CTNNA2: variants seen among roughly 807,000 people sequenced by gnomAD.
The protein encoded by CTNNA2 is catenin alpha 2.
Under a neutral mutation model 101.0 loss-of-function variants are expected in CTNNA2, and 42 were observed. That is an observed-to-expected ratio of 0.42 (90% confidence interval 0.32 to 0.54). CTNNA2 has a LOEUF of 0.54. Among genes scored for constraint, CTNNA2 ranks in the 20% least tolerant of loss-of-function variants. The probability of loss-of-function intolerance (pLI) is 0.14; values close to 1 mark genes in which losing one functional copy is unlikely to be tolerated. For missense variants in CTNNA2, 871 were observed against 1,223.1 expected, an observed-to-expected ratio of 0.71 and a Z score of 4.29; for synonymous variants, 450 against 456.4, an observed-to-expected ratio of 0.99 and a Z score of 0.18.
intron 7 of CTNNA2, among the ~76,000 whole-genome samples, chr2:79,966,961 C>T (rs1207368542): frequency 6.6e-6 from 1 of 152,048 alleles, no homozygotes; most frequent in Non-Finnish European, 1.5e-5. Context: ...ATTCGCAGTG[C>T]CTTGGCTCTT....
At chr2:79,512,586 C>A (rs1671577964), upstream of CTNNA2, among the ~76,000 whole-genome samples, 1 of 151,518 alleles carries the variant, frequency 6.6e-6, no homozygotes, top group South Asian at 2.1e-4. Flanking sequence ...CTATCCTGCC[C>A]GCTCCCGCAC....
chr2:79,676,863 T>G (rs1683220762), intron 2 of CTNNA2, among the ~76,000 whole-genome samples: 1 of 152,226 alleles, frequency 6.6e-6, no homozygotes, highest in African/African-American at 2.4e-5. Flanking sequence ...TCAGGAGTCT[T>G]TCTTTTTCCC....
chr2:79,735,610 G>T (rs1402344754), intron 2 of CTNNA2, among the ~76,000 whole-genome samples: 1 of 152,166 alleles, frequency 6.6e-6, no homozygotes, highest in Non-Finnish European at 1.5e-5. Context: ...GAGTTACAAG[G>T]CTTGCCTCAT....
intron 4 of CTNNA2, among the ~76,000 whole-genome samples, chr2:79,483,590 AG>A (rs1573187229): frequency 1.3e-5 from 2 of 152,170 alleles, no homozygotes; most frequent in African/African-American, 4.8e-5. Context: ...GAGTCTCCAA[AG>A]TCCATGTATT....
At chr2:79,501,358 G>T (rs1573195553) in intron 4 of CTNNA2, among the ~76,000 whole-genome samples, 1 of 152,248 alleles carries the variant, frequency 6.6e-6, no homozygotes, top group African/African-American at 2.4e-5. Context: ...CCTCTTGGCT[G>T]GTCTTAAACT....
intron 4 of CTNNA2, among the ~76,000 whole-genome samples, chr2:79,391,426 T>C (rs1002585466): frequency 6.6e-6 from 1 of 152,232 alleles, no homozygotes; most frequent in African/African-American, 2.4e-5. Flanking sequence ...TGTAAGAATT[T>C]AGTTAAAATA....
At chr2:79,712,997 A>G (rs1015614922) in intron 2 of CTNNA2, among the ~76,000 whole-genome samples, 9 of 152,224 alleles carry the variant, frequency 5.9e-5, no homozygotes, top group Non-Finnish European at 1.2e-4. Flanking sequence ...ACAGATTTTT[A>G]AACAGCATGT....
intron 4 of CTNNA2, among the ~76,000 whole-genome samples, chr2:79,493,280 G>C (rs1028520681): frequency 6.6e-6 from 1 of 152,132 alleles, no homozygotes; most frequent in African/African-American, 2.4e-5. Context: ...AATGCCTCCA[G>C]ATTGAAAAGG....
At chr2:79,883,381 G>A (rs552941161) in intron 6 of CTNNA2, among the ~76,000 whole-genome samples, 8 of 152,292 alleles carry the variant, frequency 5.3e-5, no homozygotes, top group African/African-American at 1.4e-4. Context: ...AATAGTTGAT[G>A]TAGTGATTTA....
At chr2:80,268,582 G>T (rs1673202137) in intron 7 of CTNNA2, among the ~76,000 whole-genome samples, 2 of 152,084 alleles carry the variant, frequency 1.3e-5, no homozygotes, top group African/African-American at 4.8e-5. Context: ...ACAACATTTA[G>T]TCTTTCTCAC....
At chr2:80,329,224 G>A (rs1027255063) in intron 7 of CTNNA2, among the ~76,000 whole-genome samples, 1 of 152,196 alleles carries the variant, frequency 6.6e-6, no homozygotes, top group Non-Finnish European at 1.5e-5. Flanking sequence ...GATCATTTGG[G>A]TGAATAACCA....
intron 7 of CTNNA2, among the ~76,000 whole-genome samples, chr2:80,176,668 T>C (rs1264752877): frequency 6.6e-6 from 1 of 152,216 alleles, no homozygotes; most frequent in East Asian, 1.9e-4. Context: ...TCACAGGGCA[T>C]GATAATACTA....
At chr2:79,489,327 T>C (rs542119585) in intron 4 of CTNNA2, among the ~76,000 whole-genome samples, 2 of 152,308 alleles carry the variant, frequency 1.3e-5, no homozygotes, top group East Asian at 3.9e-4. Context: ...CAGAACCTGA[T>C]TAGATGGTCT....
intron 11 of CTNNA2, among the ~76,000 whole-genome samples, chr2:80,555,388 C>T (rs1184870912): frequency 1.3e-5 from 2 of 152,162 alleles, no homozygotes. Flanking sequence ...AAACCAGTGG[C>T]ATTAGCATCA....
chr2:80,009,960 C>A (rs1693658741), intron 7 of CTNNA2, among the ~76,000 whole-genome samples: 1 of 152,104 alleles, frequency 6.6e-6, no homozygotes, highest in South Asian at 2.1e-4. Context: ...TGAACCTGGG[C>A]AAATTGATTA....
At chr2:80,386,001 G>T (rs1388415989) in intron 7 of CTNNA2, among the ~76,000 whole-genome samples, 1 of 152,140 alleles carries the variant, frequency 6.6e-6, no homozygotes, top group Non-Finnish European at 1.5e-5. Flanking sequence ...GTTGATGGGG[G>T]GATGAGAACA....
intron 9 of CTNNA2, among the ~76,000 whole-genome samples, chr2:80,452,937 G>A (rs1234476415): frequency 6.6e-6 from 1 of 152,076 alleles, no homozygotes; most frequent in African/African-American, 2.4e-5. Flanking sequence ...GAGTTAGTTG[G>A]CCAAGTTATG....
intron 7 of CTNNA2, among the ~76,000 whole-genome samples, chr2:80,034,850 G>A (rs919660195): frequency 1.3e-5 from 2 of 152,138 alleles, no homozygotes; most frequent in East Asian, 3.9e-4. Context: ...CACAACTCCT[G>A]TAGAAGAAGT....
intron 7 of CTNNA2, among the ~76,000 whole-genome samples, chr2:80,198,936 A>G (rs553780379): frequency 1.4e-4 from 21 of 152,256 alleles, no homozygotes; most frequent in Non-Finnish European, 2.6e-4. Context: ...TAATCCCAGC[A>G]CATTTGGAGG....
Sources: gnomAD v4.1 joint callset for allele counts (sites outside exome capture counted in the v4.1 genomes callset) on GRCh38, gnomAD v4.1.1 for gene constraint, MANE v1.5 for transcripts, NCBI Gene and HGNC (gene_info 2026-07-23, HGNC 2026-07-21) for gene names.